ERBIN: variants seen among roughly 807,000 people sequenced by gnomAD.
The protein encoded by ERBIN is erbb2 interacting protein, also known as densin-180-like protein.
In ERBIN, 60 loss-of-function variants were observed where a neutral mutation model predicts 158.4. The observed-to-expected ratio is 0.38, with a 90% CI of 0.31 to 0.47. The LOEUF is 0.47. Among genes scored for constraint, ERBIN ranks in the 20% least tolerant of loss-of-function variants. The pLI is 0.99. For missense variants in ERBIN, 1,610 were observed against 1,648.0 expected (o/e 0.98, Z 0.40); for synonymous variants, 594 against 557.2 (o/e 1.07, Z -0.93).
intron 22 of ERBIN, among the ~76,000 whole-genome samples, chr5:66,074,696 GTTA>G (rs1294424581): frequency 2.6e-5 from 4 of 152,200 alleles, no homozygotes; most frequent in East Asian, 1.9e-4. Context: ...TTAACATTTG[GTTA>G]TTATAAGATA....
intron 1 of ERBIN, among the ~76,000 whole-genome samples, chr5:65,949,615 A>G (rs927853364): frequency 6.6e-6 from 1 of 152,238 alleles, no homozygotes; most frequent in Non-Finnish European, 1.5e-5. Context: ...AAGTAATTAT[A>G]TATTTCTAGA....
chr5:66,021,983 T>G (rs544711636), intron 8 of ERBIN, among the ~76,000 whole-genome samples: 40 of 152,070 alleles, frequency 2.6e-4, no homozygotes, highest in African/African-American at 9.6e-4. Flanking sequence ...TTTTTTTTTT[T>G]GAAGAGGAAC....
chr5:65,992,975 A>T (rs1752037101), intron 3 of ERBIN, 68 bp downstream of exon 3: 3 of 1,214,694 alleles, frequency 2.5e-6, no homozygotes, highest in Non-Finnish European at 3.3e-6. Flanking sequence ...GATATTCCTA[A>T]TATTGCTATA....
At chr5:65,940,643 G>GT (rs1744837297) in intron 1 of ERBIN, among the ~76,000 whole-genome samples, 1 of 138,286 alleles carries the variant, frequency 7.2e-6, no homozygotes, top group African/African-American at 2.9e-5. Flanking sequence ...CGGGAGGGAG[G>GT]TGGGGGGTCA....
At chr5:65,999,138 G>A (rs1472915620) in intron 4 of ERBIN, among the ~76,000 whole-genome samples, 10 of 152,184 alleles carry the variant, frequency 6.6e-5, no homozygotes, top group African/African-American at 2.4e-4. Context: ...GGAGGCCAAG[G>A]TGAGCAGATT....
At chr5:65,946,038 C>T (rs1057161341) in intron 1 of ERBIN, among the ~76,000 whole-genome samples, 4 of 152,030 alleles carry the variant, frequency 2.6e-5, no homozygotes, top group Admixed American at 2.0e-4. Flanking sequence ...ATTCCCTTTA[C>T]CCCCTGCATT....
At chr5:65,961,576 A>T (rs1202487059) in intron 1 of ERBIN, among the ~76,000 whole-genome samples, 1 of 152,212 alleles carries the variant, frequency 6.6e-6, no homozygotes, top group Non-Finnish European at 1.5e-5. Flanking sequence ...CTTGTAAGTT[A>T]ACATTAGCTA....
At chr5:66,053,295 C>T (rs760047807) in intron 20 of ERBIN, 111 bp from the exon 21 acceptor site, 153 of 575,718 alleles carry the variant, frequency 2.7e-4, no homozygotes, top group Non-Finnish European at 4.1e-4. Flanking sequence ...TTGTCTTTGA[C>T]TTTTATTAAC....
intron 18 of ERBIN, 69 bp from the exon 19 acceptor site, chr5:66,048,598 T>A: frequency 1.2e-6 from 1 of 836,108 alleles, no homozygotes; most frequent in South Asian, 1.6e-5. Flanking sequence ...TAAAGTCTTA[T>A]GACTTAATAT....
At position 65,940,580 on chromosome 5, in the gene ERBIN, G is replaced by GGCCA. The variant is rs1314039591; in HGVS notation, c.-58+13777_-58+13778insAGCC. Among the ~76,000 whole-genome samples the GGCCA allele has an allele frequency of 1.6e-3, 177 of 109,414 alleles. 10 individuals carry two copies. The highest frequency in any genetic ancestry group is 6.1e-3 in the African/African-American group (151 of 24,832). 71.8% of individuals were successfully genotyped at this position (109,414 alleles called of 152,430 possible). The stretch of plus-strand genomic sequence containing the variant: ...CGGGAGGTGAGGGGCGCCTCTGCCC[G>GGCCA]GCCGCCCCTACTGGGAAGTGAGGAG... On this transcript the variant is annotated intron_variant, in intron 1 of 25. Coordinates refer to ENST00000284037, the MANE Select transcript of ERBIN (RefSeq NM_001253697.2).
chr5:66,012,549 CAAAAA>C (rs1216662233), intron 5 of ERBIN, among the ~76,000 whole-genome samples: 1 of 151,922 alleles, frequency 6.6e-6, no homozygotes, highest in South Asian at 2.1e-4. Context: ...AAAACAATAA[CAAAAA>C]AAGAAAAAAC....
intron 21 of ERBIN, among the ~76,000 whole-genome samples, chr5:66,062,951 C>T (rs1257366149): frequency 6.6e-6 from 1 of 152,220 alleles, no homozygotes; most frequent in Non-Finnish European, 1.5e-5. Flanking sequence ...TCTGCCCCTA[C>T]TGGGGGGTGC....
At position 66,048,693 on chromosome 5, in the gene ERBIN, A is replaced by G. The variant is rs1378721784; in HGVS notation, c.1815A>G (p.Glu605=). Residue 605 remains glutamate (E), a synonymous_variant, in exon 19 of 26, where the codon GAA becomes GAG. Transcript: ENST00000284037. ...FEESEELSSD[E]EMKMAEMRPP... ...AATCTGAAGAACTTTCTTCTGATGA[A>G]GAGATGAAAATGGCGGAGATGCGAC... 2 of 1,608,468 alleles carry G rather than the reference A, an allele frequency of 1.2e-6. No individual in the cohort carries two copies. Among genetic ancestry groups the G allele is most frequent in the East Asian group, 2.2e-5 (1 of 44,500 alleles).
At chr5:65,989,155 A>G (rs943741766) in intron 2 of ERBIN, among the ~76,000 whole-genome samples, 8 of 152,200 alleles carry the variant, frequency 5.3e-5, no homozygotes, top group South Asian at 2.1e-4. Context: ...ATGTTGATCA[A>G]TTCAGTTCTG....
intron 1 of ERBIN, among the ~76,000 whole-genome samples, chr5:65,987,815 A>T (rs1751427803): frequency 6.6e-6 from 1 of 151,240 alleles, no homozygotes; most frequent in Non-Finnish European, 1.5e-5. Context: ...ACTGTACTCC[A>T]GCCTGGGCAA....
chr5:66,069,108 T>C (rs1403486534), intron 21 of ERBIN: 6 of 1,240,150 alleles, frequency 4.8e-6, no homozygotes, highest in Non-Finnish European at 6.4e-6. Flanking sequence ...GGAAAAAAAA[T>C]GTTTACTCTG....
chr5:66,072,095 C>T, intron 21 of ERBIN, 74 bp from the exon 22 acceptor site: 4 of 1,463,614 alleles, frequency 2.7e-6, no homozygotes, highest in Non-Finnish European at 3.7e-6. Context: ...TCCTAATCTT[C>T]TCTCAAGTGT....
At chr5:65,989,419 T>G (rs1269843474) in intron 2 of ERBIN, among the ~76,000 whole-genome samples, 1 of 152,232 alleles carries the variant, frequency 6.6e-6, no homozygotes, top group Non-Finnish European at 1.5e-5. Context: ...ATCTGAGGTC[T>G]AAACCGCTGT....
rs1762371042 is a variant in ERBIN at position 66,081,222 on chromosome 5, A to G, written c.*2692A>G. 1 of 152,018 alleles carries G rather than the reference A, an allele frequency of 6.6e-6. No individual in the cohort carries two copies. Among genetic ancestry groups the G allele is most frequent in the African/African-American group, 2.4e-5 (1 of 41,470 alleles). The allele number at this position is 152,018 out of a possible 1,614,324, so 9.4% of individuals were successfully genotyped here. On this transcript the variant is annotated 3_prime_UTR_variant, in exon 26 of 26. Transcript: ENST00000284037. Reference sequence around the variant, plus strand: ...ATCAGAGTAATTTATACGGCATACAATAGTTGATACAATCTAAAGATTTAT... The same window carrying G: ...ATCAGAGTAATTTATACGGCATACAGTAGTTGATACAATCTAAAGATTTAT...
Sources: allele counts gnomAD v4.1 joint callset (sites outside exome capture counted in the v4.1 genomes callset), GRCh38; gene constraint gnomAD v4.1.1; transcripts MANE v1.5; gene names NCBI Gene and HGNC (gene_info 2026-07-23, HGNC 2026-07-21).